FASTKD1: variants seen among roughly 807,000 people sequenced by gnomAD.
FASTKD1 encodes the protein FAST kinase domains 1, also known as FAST kinase domain-containing protein 1, mitochondrial.
Under a neutral mutation model 90.9 loss-of-function variants are expected in FASTKD1, and 94 were observed. The observed-to-expected ratio is 1.03, with a 90% confidence interval of 0.88 to 1.23. The LOEUF is 1.23. FASTKD1 is among the 50% of genes most tolerant of loss of function. The pLI, the probability that FASTKD1 is intolerant of heterozygous loss-of-function variation, is 0.00. For missense variants in FASTKD1, 945 were observed against 993.5 expected (o/e 0.95, Z 0.66); for synonymous variants, 319 against 345.8 (o/e 0.92, Z 0.86).
chr2:169,540,023 T>C, intron 10 of FASTKD1, 28 bp downstream of exon 10: 1 of 1,383,462 alleles, frequency 7.2e-7, no homozygotes, highest in Non-Finnish European at 1.0e-6. Flanking sequence ...CAACAGATAA[T>C]TAAATAAATT....
At position 169,529,828 on chromosome 2, in the gene FASTKD1, C is replaced by A. The variant is rs1301407977; in HGVS notation, c.2541G>T (p.Leu847Phe). 2.5e-6 allele frequency: 4 copies of A among 1,600,264 alleles called. No individual in the cohort carries two copies. Among genetic ancestry groups the A allele is most frequent in the Non-Finnish European group, 3.4e-6 (4 of 1,172,712 alleles). The change falls in exon 15 of 15, where the codon TTG becomes TTT. Residue 847 changes from leucine to phenylalanine, a missense_variant. Leu to Phe is a conservative substitution (Grantham distance 22). Coordinates refer to ENST00000453153, the MANE Select transcript of FASTKD1 (RefSeq NM_024622.6). ...ECIFGEVKSC[L>F] ...TAACATTCATTTTAAATAAAAACTA[C>A]AAACATGACTTGACTTCTCCAAATA...
intron 9 of FASTKD1, among the ~76,000 whole-genome samples, chr2:169,541,102 A>C (rs1398556611): frequency 6.6e-6 from 1 of 152,208 alleles, no homozygotes; most frequent in Non-Finnish European, 1.5e-5. Flanking sequence ...CCAGATCATA[A>C]ATGAAGTTAA....
chr2:169,549,588 T>C (rs937292136), intron 7 of FASTKD1, among the ~76,000 whole-genome samples: 6 of 151,664 alleles, frequency 4.0e-5, no homozygotes, highest in African/African-American at 1.2e-4. Flanking sequence ...CCTCAGCCTC[T>C]CTACACACTG....
intron 3 of FASTKD1, among the ~76,000 whole-genome samples, chr2:169,568,628 TAAAAAAAAAAAAAA>T (rs10618482): frequency 9.6e-5 from 4 of 41,506 alleles, no homozygotes; most frequent in South Asian, 1.8e-3. Flanking sequence ...CCCTGTCCAT[TAAAAAAAAAAAAAA>T]AAAAAAAAAA....
rs1431010078 is a variant in FASTKD1 at position 169,571,795 on chromosome 2, G to C, written c.235C>G (p.Gln79Glu). The C allele has an allele frequency of 3.1e-6, 5 of 1,613,924 alleles. No individual in the cohort carries two copies. In the Admixed American group the frequency reaches 8.3e-5, roughly 27 times the overall value. Residue 79 changes from glutamine (Q) to glutamate (E), a missense_variant, in exon 2 of 15, where the codon CAA becomes GAA. Physicochemically the swap from Gln to Glu is conservative, Grantham distance 29. Coordinates refer to ENST00000453153, the MANE Select transcript of FASTKD1 (RefSeq NM_024622.6). ...GCAFDMLWKL[Q>E]KQKTSLLKNA... ...TTTAACAGGCTGGTCTTCTGCTTTT[G>C]AAGCTTCCAAAGCATATCAAATGCA...
At chr2:169,562,730 A>T (rs1683760425) in intron 4 of FASTKD1, among the ~76,000 whole-genome samples, 1 of 152,094 alleles carries the variant, frequency 6.6e-6, no homozygotes, top group Admixed American at 6.5e-5. Flanking sequence ...GAATAGAGAT[A>T]ATGTCTCCTG....
rs1684378896 is a variant in FASTKD1, at chr2:169,529,316, A to T, written c.*509T>A. Among the ~76,000 whole-genome samples the T allele has an allele frequency of 6.6e-6, 1 of 152,090 alleles. No individual in the cohort carries two copies. The highest frequency in any genetic ancestry group is 2.4e-5 in the African/African-American group (1 of 41,386). On this transcript the variant is annotated 3_prime_UTR_variant, in exon 15 of 15. Coordinates refer to ENST00000453153, the MANE Select transcript of FASTKD1 (RefSeq NM_024622.6). ...TTGACTCCTATTTGTCTCATACCTC[A>T]TATCCAATCAGTGAGCAAATTCTGT... is the stretch of plus-strand genomic sequence containing the variant.
At chr2:169,569,145 G>T (rs370599408) in intron 3 of FASTKD1, 39 bp downstream of exon 3, 1 of 1,552,290 alleles carries the variant, frequency 6.4e-7, no homozygotes, top group Non-Finnish European at 8.9e-7. Context: ...ACCCTGAAAA[G>T]AATAACCCTG....
chr2:169,529,633 T>A lies in FASTKD1; in HGVS notation c.*192A>T. 4.0e-6 allele frequency: 2 copies of A among 502,428 alleles called. No individual in the cohort carries two copies. The highest frequency in any genetic ancestry group is 7.1e-6 in the Non-Finnish European group (2 of 280,276). The allele number at this position is 502,428 out of a possible 1,614,324, so 31.1% of individuals were successfully genotyped here. A position where few individuals can be genotyped will look rare whatever the true frequency, so the allele number is the denominator to read the frequency against. Reference sequence around the variant, plus strand: ...TTGTATTTGACTCTGTTATCTCTTATCTTTTCTCTTATACACTCCCACCCC... The same window carrying A: ...TTGTATTTGACTCTGTTATCTCTTAACTTTTCTCTTATACACTCCCACCCC... On this transcript the variant is annotated 3_prime_UTR_variant, in exon 15 of 15. Coordinates refer to ENST00000453153, the MANE Select transcript of FASTKD1 (RefSeq NM_024622.6).
intron 4 of FASTKD1, among the ~76,000 whole-genome samples, chr2:169,561,969 T>A (rs1250965069): frequency 1.6e-5 from 2 of 126,792 alleles, no homozygotes; most frequent in African/African-American, 5.9e-5. Context: ...TTATTGTAAA[T>A]TAATTATTCA....
chr2:169,537,959 T>G (rs2290004), intron 11 of FASTKD1, 54 bp downstream of exon 11: 55,621 of 1,491,136 alleles, frequency 0.037, 1,405 homozygotes, highest in East Asian at 0.14. Context: ...ATGTACTACC[T>G]AATAATTTAC....
chr2:169,543,812 GA>G (rs1043650096), intron 9 of FASTKD1, among the ~76,000 whole-genome samples: 32 of 125,202 alleles, frequency 2.6e-4, no homozygotes, highest in South Asian at 5.0e-4. Context: ...AAAAAGTTAA[GA>G]AAAAAAAAAA....
chr2:169,540,154 C>A lies in FASTKD1; in HGVS notation c.1842G>T (p.Val614=), dbSNP rs149849237. 5.4e-4 allele frequency: 855 copies of A among 1,591,746 alleles called. No homozygotes were observed. The highest frequency in any genetic ancestry group is 7.1e-4 in the Non-Finnish European group (829 of 1,163,868). The change falls in exon 10 of 15, where the codon GTG becomes GTT. Residue 614 remains valine, a synonymous_variant. Transcript: ENST00000453153. The part of the protein sequence containing the change: ...YLGILDPFIL[V]FLGFSLATLE... ...GTGTGGCCAAAGAGAAACCAAGAAA[C>A]ACTAATATAAAAGGATCCAATATAC...
chr2:169,554,278 TAAAAAAAAAAAAAAA>T lies in FASTKD1; in HGVS notation c.1214+831_1214+845del, dbSNP rs58641456. Among the ~76,000 whole-genome samples the T allele has an allele frequency of 7.2e-3, 214 of 29,804 alleles. 5 individuals are homozygous for T. The highest frequency in any genetic ancestry group is 0.033 in the African/African-American group (203 of 6,068). 19.6% of individuals were successfully genotyped at this position (29,804 alleles called of 152,430 possible). A position where few individuals can be genotyped will look rare whatever the true frequency, so the allele number is the denominator to read the frequency against. On this transcript the variant is annotated intron_variant, in intron 7 of 14. Coordinates refer to ENST00000453153, the MANE Select transcript of FASTKD1 (RefSeq NM_024622.6). ...AGGGGACAGAGTGAGACCCTGTCTC[TAAAAAAAAAAAAAAA>T]AAAAAAAAAAAAAAAAAAAAAGATA...
At chr2:169,555,008 TA>T in intron 7 of FASTKD1, 115 bp downstream of exon 7, 1 of 903,516 alleles carries the variant, frequency 1.1e-6, no homozygotes, top group Non-Finnish European at 1.6e-6. Context: ...ACATTTTTAC[TA>T]ATAAGCTTCA....
Position 169,546,410 on chromosome 2 carries a change from T to C in FASTKD1, c.1509A>G (p.Glu503=), listed in dbSNP as rs148856843. 411 of 1,614,176 alleles carry C rather than the reference T, an allele frequency of 2.5e-4. No homozygotes were observed. The highest frequency in any genetic ancestry group is 3.4e-4 in the South Asian group (31 of 91,082). Residue 503 remains glutamate, a synonymous_variant, in exon 8 of 15, where the codon GAA becomes GAG. Coordinates refer to ENST00000453153, the MANE Select transcript of FASTKD1 (RefSeq NM_024622.6). ...HSNSLDLLRK[E]LKSLKGNTFP... ...ACGTGTTTCCTTTGAGAGATTTAAG[T>C]TCCTTCCGTAACAGATCCAAACTGT...
intron 3 of FASTKD1, among the ~76,000 whole-genome samples, chr2:169,563,801 T>G (rs1013054022): frequency 3.3e-5 from 5 of 152,094 alleles, no homozygotes; most frequent in Non-Finnish European, 5.9e-5. Flanking sequence ...ACATATGTAA[T>G]AGCAAAACCC....
chr2:169,546,450 C>T lies in FASTKD1; in HGVS notation c.1469G>A (p.Arg490Lys). 6.2e-7 allele frequency: 1 copy of T among 1,614,134 alleles called. No homozygotes were observed. Among genetic ancestry groups the T allele is most frequent in the South Asian group, 1.1e-5 (1 of 91,072 alleles). Reference sequence around the variant, plus strand: ...ATCCAAACTGTTGCTGTGTTGTAGTCTCTGACGACCATAGTGATCTAATTT... The same window carrying T: ...ATCCAAACTGTTGCTGTGTTGTAGTTTCTGACGACCATAGTGATCTAATTT... ...LQKLDHYGRQ[R>K]LQHSNSLDLL... is the part of the protein sequence containing the mutation. The change falls in exon 8 of 15, where the codon AGA becomes AAA. Residue 490 changes from arginine (R) to lysine (K), a missense_variant. Arg to Lys is a conservative substitution (Grantham distance 26). Coordinates refer to ENST00000453153, the MANE Select transcript of FASTKD1 (RefSeq NM_024622.6).
chr2:169,533,552 T>C (rs1402514931), intron 12 of FASTKD1, among the ~76,000 whole-genome samples: 3 of 152,320 alleles, frequency 2.0e-5, no homozygotes, highest in Admixed American at 6.5e-5. Flanking sequence ...GTTTACTATA[T>C]GCATACACAC....
Sources: allele counts gnomAD v4.1 joint callset (sites outside exome capture counted in the v4.1 genomes callset), GRCh38; gene constraint gnomAD v4.1.1; transcripts MANE v1.5; gene names NCBI Gene and HGNC (gene_info 2026-07-23, HGNC 2026-07-21).